The following ATG16L1 variants were observed in gnomAD, a reference collection of about 807,000 sequenced individuals.
The protein encoded by ATG16L1 is autophagy related 16 like 1, also known as autophagy-related protein 16-1.
In ATG16L1, 37 loss-of-function variants were observed where a neutral mutation model predicts 88.5. That is an observed-to-expected ratio of 0.42 (90% CI 0.32 to 0.55). ATG16L1 has a LOEUF of 0.55. Ranked by LOEUF, ATG16L1 falls within the 20% of genes least tolerant of loss-of-function variation. The pLI is 0.13. For synonymous variants in ATG16L1, 301 were observed against 281.0 expected (o/e 1.07, Z -0.71); for missense variants, 554 against 752.8 (o/e 0.74, Z 3.09).
chr2:233,251,984 C>CCCACT, intron 1 of ATG16L1, 42 bp downstream of exon 1: 1 of 1,463,448 alleles, frequency 6.8e-7, no homozygotes, highest in Non-Finnish European at 9.1e-7. Context: ...GCGGGCGGGC[C>CCCACT]CCGCGGAGGC....
chr2:233,289,028 T>C (rs1407285951), intron 12 of ATG16L1: 1 of 425,924 alleles, frequency 2.3e-6, no homozygotes, highest in East Asian at 5.8e-5. Flanking sequence ...GGTGACCTTG[T>C]CTAGTCTGAC....
chr2:233,255,174 C>A (rs1346235490), intron 1 of ATG16L1, among the ~76,000 whole-genome samples: 1 of 152,078 alleles, frequency 6.6e-6, no homozygotes, highest in African/African-American at 2.4e-5. Context: ...CCGTGTTGGC[C>A]AGGCTGTTCT....
At position 233,263,226 on chromosome 2, in the gene ATG16L1, A is replaced by G; in HGVS notation, c.306A>G (p.Lys102=). The G allele has an allele frequency of 6.2e-7, 1 of 1,613,800 alleles. No individual in the cohort carries two copies. The highest frequency in any genetic ancestry group is 8.5e-7 in the Non-Finnish European group (1 of 1,179,802). The part of the protein sequence containing the change: ...HQEELTELHK[K]RGELAQLVID... ...AGGAACTGACTGAATTACACAAGAA[A>G]CGTGGGGAGGTAAAGCTAGCCCTTT... Residue 102 remains lysine, a synonymous_variant, in exon 3 of 18, where the codon AAA becomes AAG. Coordinates refer to ENST00000392017, the MANE Select transcript of ATG16L1 (RefSeq NM_030803.7).
intron 2 of ATG16L1, among the ~76,000 whole-genome samples, chr2:233,262,852 G>A (rs990148627): frequency 2.6e-5 from 4 of 152,154 alleles, no homozygotes; most frequent in African/African-American, 9.7e-5. Flanking sequence ...CCCTGTTGGT[G>A]CCTGTTACTG....
chr2:233,292,697 C>T (rs1699545603), intron 16 of ATG16L1, among the ~76,000 whole-genome samples: 5 of 152,228 alleles, frequency 3.3e-5, no homozygotes. Context: ...ATTAGGTTCA[C>T]TTCTCATCAC....
chr2:233,271,363 C>T (rs1054174976), intron 6 of ATG16L1, among the ~76,000 whole-genome samples: 15 of 152,240 alleles, frequency 9.9e-5, no homozygotes, highest in Non-Finnish European at 2.9e-5. Flanking sequence ...ACTGCAACCT[C>T]CGCCTCCCAG....
chr2:233,282,550 G>A, intron 11 of ATG16L1, 132 bp from the exon 12 acceptor site: 1 of 754,964 alleles, frequency 1.3e-6, no homozygotes, highest in Non-Finnish European at 2.3e-6. Flanking sequence ...GACAGTAGCT[G>A]GTATTCAGGC....
chr2:233,272,880 A>T, intron 6 of ATG16L1, 86 bp from the exon 7 acceptor site: 3 of 1,205,772 alleles, frequency 2.5e-6, no homozygotes, highest in Non-Finnish European at 3.7e-6. Flanking sequence ...TTAGGATCTA[A>T]CTAGAAAATG....
intron 12 of ATG16L1, among the ~76,000 whole-genome samples, chr2:233,288,181 A>AGGG (rs1352491097): frequency 6.6e-6 from 1 of 152,120 alleles, no homozygotes; most frequent in African/African-American, 2.4e-5. Context: ...TGAAGCTGAG[A>AGGG]GGGGAGTATA....
At chr2:233,262,319 C>A (rs543432826) in intron 2 of ATG16L1, among the ~76,000 whole-genome samples, 1 of 152,218 alleles carries the variant, frequency 6.6e-6, no homozygotes, top group African/African-American at 2.4e-5. Context: ...CTTCCTGTTT[C>A]GGCCCTTACC....
At chr2:233,289,377 A>ATGTGTGTGTGTGTGTGTGTGTGTG (rs56993445) in intron 12 of ATG16L1, among the ~76,000 whole-genome samples, 2,852 of 129,020 alleles carry the variant, frequency 0.022, 86 homozygotes, top group Middle Eastern at 0.042. Context: ...CCTGTTTGGG[A>ATGTGTGTGTGTGTGTGTGTGTGTG]TGTGTGTGTG....
intron 14 of ATG16L1, among the ~76,000 whole-genome samples, chr2:233,291,324 T>C (rs1559415044): frequency 6.6e-6 from 1 of 152,214 alleles, no homozygotes; most frequent in Non-Finnish European, 1.5e-5. Context: ...ACTTGAAAGA[T>C]GGAATTTGAG....
Position 233,295,357 on chromosome 2 carries a change from G to A in ATG16L1, c.*1007G>A, listed in dbSNP as rs1394150462. On this transcript the variant is annotated 3_prime_UTR_variant, in exon 18 of 18. Coordinates refer to ENST00000392017, the MANE Select transcript of ATG16L1 (RefSeq NM_030803.7). ...TAAAGTTTTAGTTCATTGGGTGTGC[G>A]AAACACCCTTTTTATCACTTTTAAA... The A allele has an allele frequency of 1.3e-5, 2 of 152,784 alleles. No homozygotes were observed. Among genetic ancestry groups the A allele is most frequent in the South Asian group, 4.1e-4 (2 of 4,830 alleles). The allele number at this position is 152,784 out of a possible 1,614,324, so 9.5% of individuals were successfully genotyped here. A position where few individuals can be genotyped will look rare whatever the true frequency, so the allele number is the denominator to read the frequency against.
At position 233,273,053 on chromosome 2, in the gene ATG16L1, G is replaced by GT; in HGVS notation, c.794+2dup. On this transcript the variant is annotated splice_donor_variant, in intron 7 of 17. Transcript: ENST00000392017. LOFTEE classifies it high-confidence loss of function. ...TGCGAGCCATCAGCAGAGCAGCCAC[G>GT]TAAGTAGGCAGGTTTGGGCCAGGGA... 1 of 1,613,730 alleles carries GT rather than the reference G, an allele frequency of 6.2e-7. No homozygotes were observed.
At chr2:233,269,428 T>C (rs1288626526) in intron 5 of ATG16L1, among the ~76,000 whole-genome samples, 1 of 152,208 alleles carries the variant, frequency 6.6e-6, no homozygotes, top group Non-Finnish European at 1.5e-5. Context: ...CTGAAACTTC[T>C]TGAGTGCCAA....
Position 233,265,114 on chromosome 2 carries a change from G to T in ATG16L1, c.612G>T (p.Arg204=). Reference sequence around the variant, plus strand: ...CTGAGAAAGCCCAGGAAGCCAATCGGCTTAATGCAGAGAATGAAAAAGACT... The same window carrying T: ...CTGAGAAAGCCCAGGAAGCCAATCGTCTTAATGCAGAGAATGAAAAAGACT... ...WMAEKAQEAN[R]LNAENEKDSR... Residue 204 remains arginine, a synonymous_variant, in exon 5 of 18, where the codon CGG becomes CGT. Coordinates refer to ENST00000392017, the MANE Select transcript of ATG16L1 (RefSeq NM_030803.7). 1 of 1,614,188 alleles carries T rather than the reference G, an allele frequency of 6.2e-7. No individual in the cohort carries two copies. Among genetic ancestry groups the T allele is most frequent in the African/African-American group, 1.3e-5 (1 of 75,042 alleles).
chr2:233,290,469 T>A, intron 14 of ATG16L1, 116 bp downstream of exon 14: 1 of 813,012 alleles, frequency 1.2e-6, no homozygotes, highest in Non-Finnish European at 2.1e-6. Context: ...TCGGTACACG[T>A]ATAGTGTTAG....
intron 7 of ATG16L1, chr2:233,273,453 G>T: frequency 1.9e-6 from 1 of 522,010 alleles, no homozygotes; most frequent in Non-Finnish European, 3.4e-6. Context: ...GCCAGGAATT[G>T]TGAGGTTAGT....
rs1300557884 is a variant in ATG16L1 at position 233,294,442 on chromosome 2, T to A, written c.*92T>A. On this transcript the variant is annotated 3_prime_UTR_variant, in exon 18 of 18. Coordinates refer to ENST00000392017, the MANE Select transcript of ATG16L1 (RefSeq NM_030803.7). Reference sequence around the variant, plus strand: ...CTGTCCTGGCAGGTGATGTGCTGGGTATAGCATGGACCTCCCAGAGAAGCT... The same window carrying A: ...CTGTCCTGGCAGGTGATGTGCTGGGAATAGCATGGACCTCCCAGAGAAGCT... 1 of 977,826 alleles carries A rather than the reference T, an allele frequency of 1.0e-6. No homozygotes were observed. Among genetic ancestry groups the A allele is most frequent in the South Asian group, 1.5e-5 (1 of 67,886 alleles). 60.6% of individuals were successfully genotyped at this position (977,826 alleles called of 1,614,324 possible). A position where few individuals can be genotyped will look rare whatever the true frequency, so the allele number is the denominator to read the frequency against.
Sources: allele counts gnomAD v4.1 joint callset (sites outside exome capture counted in the v4.1 genomes callset), GRCh38; gene constraint gnomAD v4.1.1; transcripts MANE v1.5; gene names NCBI Gene and HGNC (gene_info 2026-07-23, HGNC 2026-07-21).